Variants in GLI3 observed in about 807,000 individuals in gnomAD.
The protein encoded by GLI3 is GLI family zinc finger 3, also known as transcription activator GLI3.
A neutral mutation model predicts 100.8 loss-of-function variants in GLI3; 20 were observed. The ratio of observed to expected loss-of-function variants is 0.20; its 90% confidence interval spans 0.14 to 0.29. GLI3 has a LOEUF of 0.29. Ranked by LOEUF, GLI3 falls within the 10% of genes least tolerant of loss-of-function variation. The pLI is 1.00. For synonymous variants in GLI3, 938 were observed against 860.5 expected (o/e 1.09, Z -1.58); for missense variants, 2,040 against 2,128.5 (o/e 0.96, Z 0.82).
intron 2 of GLI3, among the ~76,000 whole-genome samples, chr7:42,180,856 G>A (rs1476994340): frequency 2.6e-5 from 4 of 152,174 alleles, no homozygotes; most frequent in African/African-American, 9.7e-5. Flanking sequence ...CAAGAATAAG[G>A]AAATCTCACA....
intron 3 of GLI3, among the ~76,000 whole-genome samples, chr7:42,132,372 T>C (rs1786311875): frequency 6.6e-6 from 1 of 152,160 alleles, no homozygotes. Flanking sequence ...AGTGCTGGGA[T>C]TACAGGCGTG....
At chr7:42,059,792 C>A (rs1440890422) in intron 4 of GLI3, among the ~76,000 whole-genome samples, 1 of 152,244 alleles carries the variant, frequency 6.6e-6, no homozygotes, top group African/African-American at 2.4e-5. Context: ...CCTTTCCTCT[C>A]CTCTTCCCCT....
At position 42,260,909 on chromosome 7, in the gene GLI3, T is replaced by C. The variant is rs145502198; in HGVS notation, c.-43+3085A>G. Among the ~76,000 whole-genome samples the C allele has an allele frequency of 6.7e-3, 1,025 of 152,280 alleles. 10 individuals are homozygous for C. The highest frequency in any genetic ancestry group is 0.023 in the African/African-American group (945 of 41,552). On this transcript the variant is annotated intron_variant, in intron 1 of 2. Coordinates refer to the GLI3 transcript ENST00000678978. Reference sequence around the variant, plus strand: ...TGAGAAACTGGGTAGTTGGTGGTGCTATTTATATATTCACAATCCATACGT... The same window carrying C: ...TGAGAAACTGGGTAGTTGGTGGTGCCATTTATATATTCACAATCCATACGT...
At chr7:42,077,355 T>C (rs1784901115) in intron 3 of GLI3, among the ~76,000 whole-genome samples, 1 of 148,192 alleles carries the variant, frequency 6.7e-6, no homozygotes, top group Non-Finnish European at 1.5e-5. Context: ...GATATACACA[T>C]GCATGCATGT....
chr7:42,013,211 A>G (rs1261078159), intron 10 of GLI3, among the ~76,000 whole-genome samples: 1 of 152,170 alleles, frequency 6.6e-6, no homozygotes, highest in African/African-American at 2.4e-5. Flanking sequence ...TGGTTGACCT[A>G]CCTGTCTATT....
chr7:42,022,176 GGGGA>G (rs1788961926), intron 10 of GLI3, among the ~76,000 whole-genome samples: 1 of 152,132 alleles, frequency 6.6e-6, no homozygotes, highest in African/African-American at 2.4e-5. Flanking sequence ...AAGAAATGGA[GGGGA>G]GGGACCCTGG....
rs532584303 is a variant in GLI3 at position 41,964,586 on chromosome 7, C to T, written c.4487G>A (p.Ser1496Asn). 2.2e-5 allele frequency: 35 copies of T among 1,614,134 alleles called. No individual in the cohort carries two copies. The South Asian group carries it at 3.4e-4, about 16-fold the overall frequency. Residue 1496 changes from serine to asparagine, a missense_variant, in exon 15 of 15, where the codon AGC (serine) becomes AAC (asparagine). Ser to Asn is a conservative substitution (Grantham distance 46). This residue lies in a region of GLI3 where 1,041 missense variants were observed against 924.0 expected (regional missense o/e 1.13). Transcript: ENST00000395925. The stretch of plus-strand genomic sequence containing the variant: ...AATCTGTACCCCTTCCAGGTCATGG[C>T]TGTCGAGGCTGTCCACTGTGCTTGT... ...QVTSTVDSLD[S>N]HDLEGVQIDF...
intron 6 of GLI3, among the ~76,000 whole-genome samples, chr7:42,044,982 G>A (rs1784215459): frequency 6.6e-6 from 1 of 152,086 alleles, no homozygotes; most frequent in Non-Finnish European, 1.5e-5. Flanking sequence ...CGACCTCCTG[G>A]GCTCAAGTGA....
At chr7:42,064,364 A>C (rs887383312) in intron 4 of GLI3, among the ~76,000 whole-genome samples, 1 of 152,222 alleles carries the variant, frequency 6.6e-6, no homozygotes, top group African/African-American at 2.4e-5. Flanking sequence ...TAATTAATTT[A>C]TTTTGTACAT....
intron 2 of GLI3, among the ~76,000 whole-genome samples, chr7:42,170,677 C>G (rs1033255020): frequency 9.9e-5 from 15 of 152,126 alleles, no homozygotes; most frequent in African/African-American, 3.4e-4. Flanking sequence ...GCTGGGATTA[C>G]AGGTGTGAGC....
chr7:41,972,395 G>A lies in GLI3; in HGVS notation c.2045C>T (p.Thr682Ile), dbSNP rs749914553. The change falls in exon 13 of 15, where the codon ACT becomes ATT. Residue 682 changes from threonine to isoleucine, a missense_variant. By Grantham distance (89) the Thr-to-Ile change is moderately conservative. This residue lies in a region of GLI3 where 327 missense variants were observed against 338.7 expected (regional missense o/e 0.97). Coordinates refer to ENST00000395925, the MANE Select transcript of GLI3 (RefSeq NM_000168.6). This position sits in a 1 kb window ranked among gnomAD's most constrained non-coding sequence, Gnocchi z 4.4. Reference sequence around the variant, plus strand: ...GAGGCATTCTTCCCGCTTTGAGGTAGTGTTGCTGAGGTCCTGCTGCTCACC... The same window carrying A: ...GAGGCATTCTTCCCGCTTTGAGGTAATGTTGCTGAGGTCCTGCTGCTCACC... Reference protein sequence around the residue: ...ALGEQQDLSNTTSKREECLQV... With the variant: ...ALGEQQDLSNITSKREECLQV... 10 of 1,614,026 alleles carry A rather than the reference G, an allele frequency of 6.2e-6. No individual in the cohort carries two copies. In the South Asian group the frequency reaches 8.8e-5, roughly 14 times the overall value.
At chr7:42,175,486 C>T (rs1161932081) in intron 2 of GLI3, among the ~76,000 whole-genome samples, 1 of 152,096 alleles carries the variant, frequency 6.6e-6, no homozygotes, top group Non-Finnish European at 1.5e-5. Flanking sequence ...GGCGTGGTGG[C>T]ACACACCTGT....
intron 3 of GLI3, among the ~76,000 whole-genome samples, chr7:42,128,712 C>G (rs892472197): frequency 2.0e-5 from 3 of 152,118 alleles, no homozygotes; most frequent in African/African-American, 4.8e-5. Flanking sequence ...CATGAGCCGT[C>G]CTTGGTATGT....
At chr7:42,119,705 T>C (rs574553572) in intron 3 of GLI3, among the ~76,000 whole-genome samples, 2 of 152,148 alleles carry the variant, frequency 1.3e-5, no homozygotes, top group Non-Finnish European at 2.9e-5. Flanking sequence ...GGCAGGAGCA[T>C]CTCTTAACAA....
chr7:42,167,756 A>G (rs995528944), intron 2 of GLI3, among the ~76,000 whole-genome samples: 3 of 152,358 alleles, frequency 2.0e-5, no homozygotes, highest in African/African-American at 7.2e-5. Flanking sequence ...TGATAAGTGG[A>G]TATGGCAGAA....
intron 2 of GLI3, among the ~76,000 whole-genome samples, chr7:42,220,540 G>A (rs1433383966): frequency 6.6e-6 from 1 of 152,186 alleles, no homozygotes; most frequent in Non-Finnish European, 1.5e-5. Flanking sequence ...TGAGTGCAGA[G>A]GCAGCAGGTG....
intron 10 of GLI3, among the ~76,000 whole-genome samples, chr7:42,001,189 G>A (rs1788284247): frequency 7.5e-6 from 1 of 132,708 alleles, no homozygotes; most frequent in South Asian, 2.4e-4. Context: ...AGGTTGCAGT[G>A]AGCCGAGATC....
chr7:41,991,035 A>G (rs1787973821), intron 10 of GLI3, among the ~76,000 whole-genome samples: 2 of 152,164 alleles, frequency 1.3e-5, no homozygotes, highest in South Asian at 4.1e-4. Context: ...GAGCTGACGC[A>G]TTCATTCACT....
chr7:42,086,375 C>G (rs1296403842), intron 3 of GLI3, among the ~76,000 whole-genome samples: 2 of 152,146 alleles, frequency 1.3e-5, no homozygotes, highest in Non-Finnish European at 2.9e-5. Flanking sequence ...ACAACAATGT[C>G]AGAGTTAAGG....
Sources: allele counts gnomAD v4.1 joint callset (sites outside exome capture counted in the v4.1 genomes callset), GRCh38; gene constraint gnomAD v4.1.1; regional missense constraint gnomAD v4.1.1; non-coding constraint Gnocchi (gnomAD v3.1); transcripts MANE v1.5; gene names NCBI Gene and HGNC (gene_info 2026-07-23, HGNC 2026-07-21).